Variants in DDX5 observed in about 807,000 individuals in gnomAD.
DDX5 encodes the protein DEAD-box helicase 5, also known as probable ATP-dependent RNA helicase DDX5.
In DDX5, 6 loss-of-function variants were observed where a neutral mutation model predicts 68.6. That is an observed-to-expected ratio of 0.09 (90% CI 0.05 to 0.17). DDX5 has a LOEUF of 0.17. Among genes scored for constraint, DDX5 ranks in the 10% least tolerant of loss-of-function variants. The pLI is 1.00. For missense variants in DDX5, 499 were observed against 756.1 expected, an observed-to-expected ratio of 0.66 and a Z score of 3.99; for synonymous variants, 350 against 247.0, an observed-to-expected ratio of 1.42 and a Z score of -3.91.
rs781952241 is a variant in DDX5 at position 64,504,756 on chromosome 17, T to C, written c.131A>G (p.Lys44Arg). 8 of 1,614,178 alleles carry C rather than the reference T, an allele frequency of 5.0e-6. No homozygotes were observed. In the South Asian group the frequency reaches 6.6e-5, roughly 13 times the overall value. ...AGGCAGCTCATCAAGATTCCACTTC[T>C]TTTTAACTAATTTCTCCCCAGGGTT... ...FGNPGEKLVKKKWNLDELPKF... is the reference protein window; with the variant it reads ...FGNPGEKLVKRKWNLDELPKF... Residue 44 changes from lysine to arginine, a missense_variant, in exon 2 of 13, where the codon AAG becomes AGG. Lys to Arg is a conservative substitution (Grantham distance 26). Around this residue, in one of 5 missense-constraint regions of DDX5, gnomAD observed 140 missense variants for 135.7 expected, o/e 1.03. Coordinates refer to ENST00000225792, the MANE Select transcript of DDX5 (RefSeq NM_004396.5).
At position 64,500,155 on chromosome 17, in the gene DDX5, G is replaced by A. The variant is rs1555670758; in HGVS notation, c.1613C>T (p.Ala538Val). Residue 538 changes from alanine (A) to valine (V), a missense_variant, in exon 13 of 13, where the codon GCA (alanine) becomes GTA (valine). Around this residue, in one of 5 missense-constraint regions of DDX5, gnomAD observed 171 missense variants for 174.8 expected, o/e 0.98. Transcript: ENST00000225792. Reference protein sequence around the residue: ...AKTQNGVYSAANYTNGSFGSN... With the variant: ...AKTQNGVYSAVNYTNGSFGSN... ...TCCAAAGCTCCCATTGGTGTAATTT[G>A]CAGCACTGTAAACACCATTCTGAGT... 3 of 1,614,174 alleles carry A rather than the reference G, an allele frequency of 1.9e-6. No individual in the cohort carries two copies. The highest frequency in any genetic ancestry group is 1.3e-5 in the African/African-American group (1 of 75,030).
Position 64,500,163 on chromosome 17 carries a change from G to A in DDX5, c.1605C>T (p.Tyr535=), listed in dbSNP as rs1555670767. Residue 535 remains tyrosine, a synonymous_variant, in exon 13 of 13, where the codon TAC becomes TAT. Coordinates refer to ENST00000225792, the MANE Select transcript of DDX5 (RefSeq NM_004396.5). ...DFGAKTQNGV[Y]SAANYTNGSF... is the part of the protein sequence containing the mutation. ...TCCCATTGGTGTAATTTGCAGCACT[G>A]TAAACACCATTCTGAGTTTTTGCCC... The A allele has an allele frequency of 6.2e-7, 1 of 1,614,198 alleles. No individual in the cohort carries two copies. Among genetic ancestry groups the A allele is most frequent in the East Asian group, 2.2e-5 (1 of 44,880 alleles).
chr17:64,500,395 CAG>C (rs1228851136), intron 12 of DDX5, 69 bp from the exon 13 acceptor site: 1 of 1,548,332 alleles, frequency 6.5e-7, no homozygotes, highest in African/African-American at 1.4e-5. Flanking sequence ...CAGAAAGAAA[CAG>C]ATCTATTCAT....
At chr17:64,506,019 G>GTGC in intron 1 of DDX5, 57 bp downstream of exon 1, 8 of 1,360,172 alleles carry the variant, frequency 5.9e-6, no homozygotes, top group Non-Finnish European at 7.1e-6. Context: ...CCGCCACCCT[G>GTGC]ACCCGCCCTC....
Position 64,506,199 on chromosome 17 carries a change from G to C in DDX5, c.-80C>G. On this transcript the variant is annotated 5_prime_UTR_variant, in exon 1 of 13. Coordinates refer to ENST00000225792, the MANE Select transcript of DDX5 (RefSeq NM_004396.5). ...AGTCGCTGGAAATGGCCTCGATGAC[G>C]GCGAAGCCTTGCGGGGGCGGCAGCG... The C allele has an allele frequency of 6.4e-7, 1 of 1,572,682 alleles. No individual in the cohort carries two copies.
intron 11 of DDX5, 166 bp from the exon 12 acceptor site, chr17:64,500,939 TG>T (rs2038282891): frequency 3.3e-6 from 2 of 610,250 alleles, no homozygotes; most frequent in Non-Finnish European, 5.8e-6. Flanking sequence ...CCATTGAGGT[TG>T]AAAAAAGAAA....
At position 64,498,539 on chromosome 17, in the gene DDX5, G is replaced by A. The variant is rs1357627940; in HGVS notation, c.*1384C>T. ...ATTGAAAACCATCCAGGTTACTACA[G>A]GCTGAATTAGTTTTCAATGTCTAAG... On this transcript the variant is annotated 3_prime_UTR_variant, in exon 13 of 13. Coordinates refer to ENST00000225792, the MANE Select transcript of DDX5 (RefSeq NM_004396.5). Among the ~76,000 whole-genome samples the A allele has an allele frequency of 4.6e-5, 7 of 152,186 alleles. No homozygotes were observed. The highest frequency in any genetic ancestry group is 1.7e-4 in the African/African-American group (7 of 41,430).
chr17:64,505,722 A>G (rs1555672210), intron 1 of DDX5: 1 of 1,535,766 alleles, frequency 6.5e-7, no homozygotes, highest in African/African-American at 1.4e-5. Flanking sequence ...GGCCACCCCA[A>G]AAACACCTCC....
intron 1 of DDX5, 164 bp downstream of exon 1, chr17:64,505,912 C>T (rs1302131564): frequency 7.2e-6 from 11 of 1,534,238 alleles, no homozygotes; most frequent in Non-Finnish European, 9.6e-6. Flanking sequence ...CTCTTCCAAT[C>T]ACTGTGACGT....
In DDX5 at chr17:64,499,663, T is replaced by C; in HGVS notation, c.*260A>G. The C allele has an allele frequency of 2.8e-6, 1 of 363,284 alleles. No individual in the cohort carries two copies. Among genetic ancestry groups the C allele is most frequent in the Non-Finnish European group, 4.9e-6 (1 of 202,210 alleles). The allele number at this position is 363,284 out of a possible 1,614,324, so 22.5% of individuals were successfully genotyped here. A position where few individuals can be genotyped will look rare whatever the true frequency, so the allele number is the denominator to read the frequency against. On this transcript the variant is annotated 3_prime_UTR_variant, in exon 13 of 13. Transcript: ENST00000225792. ...TTTATTGGAAGGCCATGCATTGCCT[T>C]CATTTATTGTATTTCAAATCACTGT...
In DDX5 at chr17:64,500,346, A is replaced by G; in HGVS notation, c.1442-20T>C. The G allele has an allele frequency of 6.3e-7, 1 of 1,589,004 alleles. No individual in the cohort carries two copies. Among genetic ancestry groups the G allele is most frequent in the Non-Finnish European group, 8.6e-7 (1 of 1,166,832 alleles). On this transcript the variant is annotated intron_variant, in intron 12 of 12. Transcript: ENST00000225792. ...AACGACCTGTCAAGAAAACAATTGC[A>G]AATTGATCAATTATGTCTATGACAC...
rs575675951 is a variant in DDX5, at chr17:64,506,283, A to G, written c.-164T>C. On this transcript the variant is annotated 5_prime_UTR_variant, in exon 1 of 13. Transcript: ENST00000225792. ...CACTACTAGAGACCGGTAGAAATGA[A>G]TGAGGTGCCGGCCGCTTTCCGGCAG... The G allele has an allele frequency of 6.5e-6, 10 of 1,529,286 alleles. No homozygotes were observed. In the South Asian group the frequency reaches 8.4e-5, roughly 13 times the overall value. The allele number at this position is 1,529,286 out of a possible 1,614,324, so 94.7% of individuals were successfully genotyped here.
chr17:64,505,190 A>G lies in DDX5; in HGVS notation c.45-348T>C, dbSNP rs144080312. 516 of 270,042 alleles carry G rather than the reference A, an allele frequency of 1.9e-3. 2 individuals are homozygous for G. Among genetic ancestry groups the G allele is most frequent in the African/African-American group, 0.011 (475 of 44,836 alleles). 16.7% of individuals were successfully genotyped at this position (270,042 alleles called of 1,614,324 possible). ...ATCTTCCCCACCAGCCTAGCAATTCACTATCAGCAATAACAAGGCTACATG... is the reference window on the plus strand; with the variant it reads ...ATCTTCCCCACCAGCCTAGCAATTCGCTATCAGCAATAACAAGGCTACATG... On this transcript the variant is annotated intron_variant, in intron 1 of 12. Transcript: ENST00000225792.
chr17:64,499,961 T>C lies in DDX5; in HGVS notation c.1807A>G (p.Met603Val), dbSNP rs928380215. The change falls in exon 13 of 13, where the codon ATG becomes GTG. Residue 603 changes from methionine (M) to valine (V), a missense_variant. Physicochemically the swap from Met to Val is conservative, Grantham distance 21 (BLOSUM62 1). Coordinates refer to ENST00000225792, the MANE Select transcript of DDX5 (RefSeq NM_004396.5). ...CCTGTTGGCATTGGATAACCAATCA[T>C]AGGTGCAGCTGCAGTAGCAGGATAT... Reference protein sequence around the residue: ...YAYPATAAAPMIGYPMPTGYS... With the variant: ...YAYPATAAAPVIGYPMPTGYS... The C allele has an allele frequency of 3.1e-6, 5 of 1,611,966 alleles. No homozygotes were observed. The highest frequency in any genetic ancestry group is 4.5e-5 in the East Asian group (2 of 44,872).
rs919287311 is a variant in DDX5 at position 64,501,917 on chromosome 17, A to G, written c.1216+93T>C. ...CTTTATGTGAAAAAAAACTTAGAAA[A>G]AATGCAGGTTAAAGAAAGCAATAAA... On this transcript the variant is annotated intron_variant, in intron 11 of 12. Coordinates refer to ENST00000225792, the MANE Select transcript of DDX5 (RefSeq NM_004396.5). 2.2e-6 allele frequency: 3 copies of G among 1,341,078 alleles called. No individual in the cohort carries two copies. In the Admixed American group the frequency reaches 5.6e-5, roughly 25 times the overall value. The allele number at this position is 1,341,078 out of a possible 1,614,324, so 83.1% of individuals were successfully genotyped here. A position where few individuals can be genotyped will look rare whatever the true frequency, so the allele number is the denominator to read the frequency against.
rs781823746 is a variant in DDX5 at position 64,504,102 on chromosome 17, C to T, written c.322G>A (p.Val108Ile). Residue 108 changes from valine (V) to isoleucine (I), a missense_variant, in exon 4 of 13, where the codon GTT becomes ATT. Val to Ile is a conservative substitution (Grantham distance 29). This residue lies in a region of DDX5 where 140 missense variants were observed against 135.7 expected (regional missense o/e 1.03). Coordinates refer to ENST00000225792, the MANE Select transcript of DDX5 (RefSeq NM_004396.5). ...TCAGTGAAATTCTGTCTTGCAATAA[C>T]ATCCATGACATTTGCTATAATTAGT... ...EANFPANVMD[V>I]IARQNFTEPT... The T allele has an allele frequency of 3.7e-5, 60 of 1,613,910 alleles. No individual in the cohort carries two copies. The highest frequency in any genetic ancestry group is 7.7e-5 in the South Asian group (7 of 91,086).
At chr17:64,502,307 CTTTAATTT>C (rs2038316607) in intron 9 of DDX5, 84 bp from the exon 10 acceptor site, 4 of 1,508,658 alleles carry the variant, frequency 2.7e-6, no homozygotes, top group Non-Finnish European at 3.7e-6. Flanking sequence ...TCACAGATCT[CTTTAATTT>C]CGCCAGAAAT....
chr17:64,501,570 G>A (rs782123911), intron 11 of DDX5: 6 of 169,816 alleles, frequency 3.5e-5, no homozygotes, highest in Non-Finnish European at 5.0e-5. Context: ...CTACTTCTTC[G>A]ACATTTCAGC....
At chr17:64,501,043 G>A (rs2038286105) in intron 11 of DDX5, 1 of 503,338 alleles carries the variant, frequency 2.0e-6, no homozygotes, top group South Asian at 2.4e-5. Context: ...TCCCAAATCA[G>A]CAAGTTCCCT....
Sources: allele counts gnomAD v4.1 joint callset (sites outside exome capture counted in the v4.1 genomes callset), GRCh38; gene constraint gnomAD v4.1.1; regional missense constraint gnomAD v4.1.1; transcripts MANE v1.5; gene names NCBI Gene and HGNC (gene_info 2026-07-23, HGNC 2026-07-21).